Variants in STAM2 observed in about 807,000 individuals in gnomAD.
The protein encoded by STAM2 is signal transducing adapter molecule 2.
A neutral mutation model predicts 65.6 loss-of-function variants in STAM2; 51 were observed. The ratio of observed to expected loss-of-function variants is 0.78; its 90% CI spans 0.62 to 0.98. The LOEUF (loss-of-function observed/expected upper bound fraction) is 0.98. Ranked by LOEUF, STAM2 falls within the 50% of genes least tolerant of loss-of-function variation. The pLI is 0.00. For synonymous variants in STAM2, 198 were observed against 208.4 expected (o/e 0.95, Z 0.43); for missense variants, 584 against 617.8 (o/e 0.95, Z 0.58).
At chr2:152,150,954 G>T (rs940117301) in intron 1 of STAM2, among the ~76,000 whole-genome samples, 13 of 151,568 alleles carry the variant, frequency 8.6e-5, no homozygotes, top group African/African-American at 3.2e-4. Flanking sequence ...AATCCTCCTT[G>T]GCTCCCAAAT....
intron 1 of STAM2, among the ~76,000 whole-genome samples, chr2:152,166,234 T>G (rs1689783508): frequency 6.6e-6 from 1 of 151,954 alleles, no homozygotes; most frequent in African/African-American, 2.4e-5. Context: ...AGCTAAAAAT[T>G]TTAAGACTAC....
chr2:152,137,343 T>C lies in STAM2; in HGVS notation c.705-1740A>G, dbSNP rs560247467. Among the ~76,000 whole-genome samples, 3 of 152,312 alleles carry C rather than the reference T, an allele frequency of 2.0e-5. No individual in the cohort carries two copies. The East Asian group carries it at 5.8e-4, about 29-fold the overall frequency. On this transcript the variant is annotated intron_variant, in intron 7 of 13. Transcript: ENST00000263904. The stretch of plus-strand genomic sequence containing the variant: ...ACTTGATAATCAGACAGGAGAGAAA[T>C]CGTATTTCATTGTATGCACTTGCAT...
intron 1 of STAM2, among the ~76,000 whole-genome samples, chr2:152,173,087 T>C (rs1689926812): frequency 6.6e-6 from 1 of 151,180 alleles, no homozygotes; most frequent in African/African-American, 2.4e-5. Context: ...AGATTGAGAG[T>C]TCCTTGAAGG....
In STAM2 at chr2:152,118,798, CAT is replaced by C. The variant is rs1194749577; in HGVS notation, c.*1774_*1775del. 6.6e-6 allele frequency: 1 copy of C among 151,538 alleles called. No individual in the cohort carries two copies. The highest frequency in any genetic ancestry group is 1.5e-5 in the Non-Finnish European group (1 of 67,824). The allele number at this position is 151,538 out of a possible 1,614,324, so 9.4% of individuals were successfully genotyped here. A position where few individuals can be genotyped will look rare whatever the true frequency, so the allele number is the denominator to read the frequency against. On this transcript the variant is annotated 3_prime_UTR_variant, in exon 14 of 14. Transcript: ENST00000263904. ...ATTCAGAAGTATATAATTGAATTAACATAAAGGAAAATACTGAATAAAAAACA... is the reference window on the plus strand; with the variant it reads ...ATTCAGAAGTATATAATTGAATTAACAAAGGAAAATACTGAATAAAAAACA...
chr2:152,144,814 G>C (rs1689309304), intron 6 of STAM2, 74 bp downstream of exon 6: 5 of 1,294,338 alleles, frequency 3.9e-6, no homozygotes, highest in Non-Finnish European at 4.5e-6. Flanking sequence ...TGGGATTACA[G>C]GCGTGAGCCA....
intron 7 of STAM2, among the ~76,000 whole-genome samples, chr2:152,141,794 T>C (rs1003530357): frequency 1.3e-5 from 2 of 151,884 alleles, no homozygotes; most frequent in Admixed American, 1.3e-4. Flanking sequence ...TTTCACCATA[T>C]TGACCAGGGT....
chr2:152,162,206 T>C (rs1254230335), intron 1 of STAM2, among the ~76,000 whole-genome samples: 2 of 152,198 alleles, frequency 1.3e-5, no homozygotes, highest in African/African-American at 2.4e-5. Flanking sequence ...AAAACAATAA[T>C]AGCAATTAAG....
At chr2:152,175,018 T>C (rs539525700) in intron 1 of STAM2, among the ~76,000 whole-genome samples, 299 of 152,326 alleles carry the variant, frequency 2.0e-3, no homozygotes, top group Non-Finnish European at 3.5e-3. Flanking sequence ...GAACATCTCC[T>C]AGCACCCGCG....
At chr2:152,124,153 T>C in intron 12 of STAM2, 1 of 505,950 alleles carries the variant, frequency 2.0e-6, no homozygotes, top group Non-Finnish European at 3.5e-6. Flanking sequence ...CTTTTATTTT[T>C]ACAGAGAGCT....
At chr2:152,166,149 G>A (rs572713787) in intron 1 of STAM2, among the ~76,000 whole-genome samples, 2 of 151,744 alleles carry the variant, frequency 1.3e-5, no homozygotes, top group African/African-American at 2.4e-5. Context: ...ATTCCAGGCT[G>A]GGGGGCAGAG....
chr2:152,127,178 TG>T (rs1688977953), intron 11 of STAM2, among the ~76,000 whole-genome samples: 2 of 152,190 alleles, frequency 1.3e-5, no homozygotes, highest in Admixed American at 6.5e-5. Flanking sequence ...ACCCTGCTTT[TG>T]TTCTTTTGTT....
At position 152,148,001 on chromosome 2, in the gene STAM2, GTTC is replaced by G. The variant is rs1268198744; in HGVS notation, c.300+20_300+22del. 6.4e-6 allele frequency: 10 copies of G among 1,555,416 alleles called. 1 individual carries two copies. The highest frequency in any genetic ancestry group is 6.2e-6 in the Non-Finnish European group (7 of 1,136,582). On this transcript the variant is annotated intron_variant, in intron 4 of 13. Coordinates refer to ENST00000263904, the MANE Select transcript of STAM2 (RefSeq NM_005843.6). ...ATCTACATTTTTTTAATGACTTAAA[GTTC>G]TTCTGTTTTTAAAATTTACCTTATT... is the stretch of plus-strand genomic sequence containing the variant.
chr2:152,143,188 A>T lies in STAM2; in HGVS notation c.704+639T>A, dbSNP rs906223769. 7.2e-5 allele frequency among the ~76,000 whole-genome samples: 11 copies of T among 152,178 alleles called. No homozygotes were observed. In the East Asian group the frequency reaches 2.1e-3, roughly 29 times the overall value. On this transcript the variant is annotated intron_variant, in intron 7 of 13. Transcript: ENST00000263904. ...ACCATTATTTATCTACCCTTTATTTAAAAAATACTAGAAATATATTAGACT... is the reference window on the plus strand; with the variant it reads ...ACCATTATTTATCTACCCTTTATTTTAAAAATACTAGAAATATATTAGACT...
intron 13 of STAM2, among the ~76,000 whole-genome samples, chr2:152,123,303 C>T (rs377535993): frequency 1.3e-5 from 2 of 151,974 alleles, no homozygotes; most frequent in East Asian, 3.9e-4. Flanking sequence ...ACCTGGAAGA[C>T]GGAGGTTGCA....
intron 1 of STAM2, among the ~76,000 whole-genome samples, chr2:152,170,196 A>T (rs1360920165): frequency 6.7e-6 from 1 of 150,108 alleles, no homozygotes; most frequent in Non-Finnish European, 1.5e-5. Context: ...AGAATTTTGC[A>T]CTCCACTGGG....
Position 152,133,501 on chromosome 2 carries a change from A to C in STAM2, c.800-17T>G. 2 of 1,596,220 alleles carry C rather than the reference A, an allele frequency of 1.3e-6. No individual in the cohort carries two copies. ...CCACAGCCGCTATAGAAACAAAGTA[A>C]TTTTAAGTTCCTCAGCATTTACTTC... On this transcript the variant is annotated splice_polypyrimidine_tract_variant and intron_variant, in intron 8 of 13. Coordinates refer to ENST00000263904, the MANE Select transcript of STAM2 (RefSeq NM_005843.6).
intron 1 of STAM2, among the ~76,000 whole-genome samples, chr2:152,157,558 C>T (rs1488052427): frequency 6.6e-6 from 1 of 152,196 alleles, no homozygotes; most frequent in African/African-American, 2.4e-5. Context: ...CTGTATATAA[C>T]CCAAGGGGTG....
intron 13 of STAM2, among the ~76,000 whole-genome samples, chr2:152,122,044 T>TCC (rs67528615): frequency 2.6e-4 from 35 of 136,652 alleles, no homozygotes; most frequent in East Asian, 4.3e-4. Flanking sequence ...TGAGACTCCG[T>TCC]CCCCAAAAAA....
intron 7 of STAM2, among the ~76,000 whole-genome samples, chr2:152,136,000 G>C (rs1212103618): frequency 6.7e-6 from 1 of 148,412 alleles, no homozygotes; most frequent in Non-Finnish European, 1.5e-5. Flanking sequence ...TGAGGCAGGA[G>C]AATCGCTTAA....
Sources: allele counts gnomAD v4.1 joint callset (sites outside exome capture counted in the v4.1 genomes callset), GRCh38; gene constraint gnomAD v4.1.1; transcripts MANE v1.5; gene names NCBI Gene and HGNC (gene_info 2026-07-23, HGNC 2026-07-21).